PPP2R5D: variants seen among roughly 807,000 people sequenced by gnomAD.
PPP2R5D encodes serine/threonine-protein phosphatase 2A 56 kDa regulatory subunit delta isoform.
In PPP2R5D, 12 loss-of-function variants were observed where a neutral mutation model predicts 79.1. That is an observed-to-expected ratio of 0.15 (90% CI 0.10 to 0.25). The LOEUF is 0.25. Ranked by LOEUF, PPP2R5D falls within the 10% of genes least tolerant of loss-of-function variation. The pLI, the probability that PPP2R5D is intolerant of heterozygous loss-of-function variation, is 1.00. For missense variants in PPP2R5D, 419 were observed against 760.2 expected (o/e 0.55, Z 5.28); for synonymous variants, 277 against 286.6 (o/e 0.97, Z 0.34).
In PPP2R5D at chr6:43,011,461, T is replaced by TC. The variant is rs1762347891; in HGVS notation, c.*179dup. On this transcript the variant is annotated 3_prime_UTR_variant, in exon 16 of 16. Transcript: ENST00000485511. ...GACACCCACAGAATGGTCCCTCTTC[T>TC]CCCCAAAAGGTGTTCATGCCTCCCT... 1.2e-6 allele frequency: 1 copy of TC among 850,890 alleles called. No individual in the cohort carries two copies. Among genetic ancestry groups the TC allele is most frequent in the African/African-American group, 1.7e-5 (1 of 58,430 alleles). 52.7% of individuals were successfully genotyped at this position (850,890 alleles called of 1,614,324 possible). A position where few individuals can be genotyped will look rare whatever the true frequency, so the allele number is the denominator to read the frequency against.
chr6:43,005,811 G>A (rs1465688770), intron 2 of PPP2R5D, among the ~76,000 whole-genome samples: 1 of 151,988 alleles, frequency 6.6e-6, no homozygotes, highest in African/African-American at 2.4e-5. Context: ...TAGTAGAGAT[G>A]GGGTTTCACC....
Position 43,011,606 on chromosome 6 carries a change from T to C in PPP2R5D, c.*320T>C. On this transcript the variant is annotated 3_prime_UTR_variant, in exon 16 of 16. Transcript: ENST00000485511. Reference sequence around the variant, plus strand: ...CTGCTCTGAGAAGTACACACAGGAATACATACGCTCCTCTATTCTTCCCTT... The same window carrying C: ...CTGCTCTGAGAAGTACACACAGGAACACATACGCTCCTCTATTCTTCCCTT... 2.5e-6 allele frequency: 1 copy of C among 400,916 alleles called. No individual in the cohort carries two copies. Among genetic ancestry groups the C allele is most frequent in the Non-Finnish European group, 4.6e-6 (1 of 217,582 alleles). 24.8% of individuals were successfully genotyped at this position (400,916 alleles called of 1,614,324 possible). A position where few individuals can be genotyped will look rare whatever the true frequency, so the allele number is the denominator to read the frequency against.
intron 2 of PPP2R5D, among the ~76,000 whole-genome samples, chr6:43,005,707 C>T (rs560120191): frequency 1.2e-4 from 18 of 152,022 alleles, no homozygotes; most frequent in African/African-American, 2.2e-4. Flanking sequence ...CTGCAACCTC[C>T]GCCTCCTGGG....
intron 2 of PPP2R5D, among the ~76,000 whole-genome samples, chr6:42,998,559 T>C (rs983004934): frequency 6.6e-6 from 1 of 152,034 alleles, no homozygotes; most frequent in African/African-American, 2.4e-5. Flanking sequence ...AGTTTGGAAG[T>C]GAAAGTAGTA....
At chr6:42,985,800 G>A (rs1254029336) in intron 1 of PPP2R5D, among the ~76,000 whole-genome samples, 1 of 127,040 alleles carries the variant, frequency 7.9e-6, no homozygotes, top group African/African-American at 3.1e-5. Context: ...TTTTTGAGAT[G>A]GAATTTTGCT....
Position 43,006,802 on chromosome 6 carries a change from C to G in PPP2R5D, c.323-109C>G. 1.9e-6 allele frequency: 3 copies of G among 1,569,260 alleles called. No homozygotes were observed. The highest frequency in any genetic ancestry group is 2.6e-6 in the Non-Finnish European group (3 of 1,149,818). On this transcript the variant is annotated intron_variant, in intron 3 of 15. Transcript: ENST00000485511. This position sits in a 1 kb window ranked among gnomAD's most constrained non-coding sequence, Gnocchi z 4.7. ...TTCCAGAGAATGCGGGAAGGGGGTG[C>G]CAGGGAGCAGGATGGTGGCAGGGTG... is the stretch of plus-strand genomic sequence containing the variant.
At chr6:43,005,277 T>C (rs1561848423) in intron 2 of PPP2R5D, among the ~76,000 whole-genome samples, 1 of 152,144 alleles carries the variant, frequency 6.6e-6, no homozygotes, top group Non-Finnish European at 1.5e-5. Flanking sequence ...CTTTTACCTT[T>C]TTAAATTTGA....
chr6:43,005,792 T>C (rs1298146200), intron 2 of PPP2R5D, among the ~76,000 whole-genome samples: 1 of 152,080 alleles, frequency 6.6e-6, no homozygotes, highest in Non-Finnish European at 1.5e-5. Context: ...TGGCTAATGT[T>C]TGTATTTTTA....
At position 43,010,543 on chromosome 6, in the gene PPP2R5D, A is replaced by G. The variant is rs763977514; in HGVS notation, c.1455A>G (p.Thr485=). ...EMNQKLFDDC[T]QQYKAEKQKG... ...ATCAGAAGCTGTTTGATGACTGCAC[A>G]CAACAATACAAGGCAGAGAAGCAGA... is the stretch of plus-strand genomic sequence containing the variant. Residue 485 remains threonine, a synonymous_variant, in exon 13 of 16, where the codon ACA becomes ACG. Transcript: ENST00000485511. This position sits in a 1 kb window ranked among gnomAD's most constrained non-coding sequence, Gnocchi z 4.7. 8.7e-6 allele frequency: 14 copies of G among 1,613,992 alleles called. No individual in the cohort carries two copies. The East Asian group carries it at 2.2e-4, about 26-fold the overall frequency.
Position 43,000,236 on chromosome 6 carries a change from CT to C in PPP2R5D, c.106-6208del, listed in dbSNP as rs1204045076. Reference sequence around the variant, plus strand: ...GGCGTGAGCCACCACGTCTGGCCACCTTTTTTTTTTTTTTTTTTTGAGATAG... The same window carrying C: ...GGCGTGAGCCACCACGTCTGGCCACCTTTTTTTTTTTTTTTTTTGAGATAG... On this transcript the variant is annotated intron_variant, in intron 2 of 15. Coordinates refer to ENST00000485511, the MANE Select transcript of PPP2R5D (RefSeq NM_006245.4). Among the ~76,000 whole-genome samples, 573 of 106,008 alleles carry C rather than the reference CT, an allele frequency of 5.4e-3. 9 individuals are homozygous for C. Among genetic ancestry groups the C allele is most frequent in the African/African-American group, 0.02 (410 of 20,294 alleles). 69.5% of individuals were successfully genotyped at this position (106,008 alleles called of 152,430 possible). A position where few individuals can be genotyped will look rare whatever the true frequency, so the allele number is the denominator to read the frequency against.
At chr6:42,998,008 GT>G (rs200665593) in intron 2 of PPP2R5D, among the ~76,000 whole-genome samples, 13,784 of 71,620 alleles carry the variant, frequency 0.19, 1,920 homozygotes, top group African/African-American at 0.4. Context: ...GAATATTTGG[GT>G]TTTATTTATA....
rs41274898 is a variant in PPP2R5D at position 43,006,771 on chromosome 6, A to G, written c.322+92A>G. On this transcript the variant is annotated intron_variant, in intron 3 of 15. Transcript: ENST00000485511. This position sits in a 1 kb window ranked among gnomAD's most constrained non-coding sequence, Gnocchi z 4.7. The stretch of plus-strand genomic sequence containing the variant: ...GAAGTTTTGGGGTATTTTGCGGGGA[A>G]GGGAGTTCCAGAGAATGCGGGAAGG... The G allele has an allele frequency of 0.091, 143,667 of 1,574,840 alleles. 9,230 individuals carry two copies. The highest frequency in any genetic ancestry group is 0.34 in the African/African-American group (25,043 of 73,984).
chr6:43,010,444 C>G lies in PPP2R5D; in HGVS notation c.1380-24C>G. 1.2e-6 allele frequency: 2 copies of G among 1,606,540 alleles called. No homozygotes were observed. Among genetic ancestry groups the G allele is most frequent in the Non-Finnish European group, 1.7e-6 (2 of 1,173,272 alleles). On this transcript the variant is annotated intron_variant, in intron 12 of 15. Coordinates refer to ENST00000485511, the MANE Select transcript of PPP2R5D (RefSeq NM_006245.4). The surrounding 1 kb of genome is among the most constrained non-coding windows in gnomAD (Gnocchi z 4.7). ...TAAGGGCAGGCTCTGGCCTCCTACA[C>G]CTCATCTTTCTTCTTGGTGGCAGGA...
In PPP2R5D at chr6:43,009,463, G is replaced by A. The variant is rs1762245473; in HGVS notation, c.1379+14G>A. On this transcript the variant is annotated intron_variant, in intron 12 of 15. Coordinates refer to ENST00000485511, the MANE Select transcript of PPP2R5D (RefSeq NM_006245.4). The surrounding 1 kb of genome is among the most constrained non-coding windows in gnomAD (Gnocchi z 5.6). ...CCACTGGAACAAGTAAGGCGCTGGG[G>A]TGGGGCTGGGTGGTGGGGATCCAGT... The A allele has an allele frequency of 6.2e-7, 1 of 1,613,898 alleles. No homozygotes were observed. The highest frequency in any genetic ancestry group is 8.5e-7 in the Non-Finnish European group (1 of 1,180,008).
In PPP2R5D at chr6:43,008,973, G is replaced by A. The variant is rs893502733; in HGVS notation, c.1081-84G>A. The A allele has an allele frequency of 1.5e-5, 22 of 1,493,554 alleles. No homozygotes were observed. The highest frequency in any genetic ancestry group is 1.8e-5 in the Non-Finnish European group (20 of 1,090,054). The allele number at this position is 1,493,554 out of a possible 1,614,324, so 92.5% of individuals were successfully genotyped here. A position where few individuals can be genotyped will look rare whatever the true frequency, so the allele number is the denominator to read the frequency against. On this transcript the variant is annotated intron_variant, in intron 10 of 15. Coordinates refer to ENST00000485511, the MANE Select transcript of PPP2R5D (RefSeq NM_006245.4). This position sits in a 1 kb window ranked among gnomAD's most constrained non-coding sequence, Gnocchi z 4.2. The stretch of plus-strand genomic sequence containing the variant: ...TCACCCAAACTGTGCCCACCAGGGT[G>A]GGGGAGAGAGCAGGTAGGAAAACTT...
In PPP2R5D at chr6:42,984,652, G is replaced by C. The variant is rs1187238688; in HGVS notation, c.-26G>C. ...CCGGAGCCGGAGCGGGGCCGCAGGA[G>C]ACGGGCCGGGTCCGGACGGGCCGAG... On this transcript the variant is annotated 5_prime_UTR_variant, in exon 1 of 16. Transcript: ENST00000485511. 8.8e-6 allele frequency: 14 copies of C among 1,593,558 alleles called. No homozygotes were observed. The highest frequency in any genetic ancestry group is 1.2e-5 in the Non-Finnish European group (14 of 1,171,608).
chr6:42,998,908 G>A (rs771528566), intron 2 of PPP2R5D, among the ~76,000 whole-genome samples: 1 of 152,114 alleles, frequency 6.6e-6, no homozygotes, highest in Non-Finnish European at 1.5e-5. Flanking sequence ...AGTGGTGCAC[G>A]CCTGTAATCC....
intron 2 of PPP2R5D, among the ~76,000 whole-genome samples, chr6:42,996,503 A>C (rs1771708118): frequency 6.6e-6 from 1 of 151,886 alleles, no homozygotes; most frequent in South Asian, 2.1e-4. Context: ...GGGCCAAAAA[A>C]GAAAAAAAAA....
chr6:43,007,954 G>A lies in PPP2R5D; in HGVS notation c.746G>A (p.Ser249Asn). 1 of 1,614,212 alleles carries A rather than the reference G, an allele frequency of 6.2e-7. No homozygotes were observed. ...FVLALLDLFDSEDPRERDFLK... is the reference protein window; with the variant it reads ...FVLALLDLFDNEDPRERDFLK... ...CCCCAGCTCCTAGACCTATTTGACA[G>A]TGAGGATCCTCGAGAGCGGGACTTC... Residue 249 changes from serine (S) to asparagine (N), a missense_variant, in exon 7 of 16, where the codon AGT (serine) becomes AAT (asparagine). Ser to Asn is a conservative substitution (Grantham distance 46). This residue lies in a region of PPP2R5D where 196 missense variants were observed against 424.5 expected (regional missense o/e 0.46). Transcript: ENST00000485511. This position sits in a 1 kb window ranked among gnomAD's most constrained non-coding sequence, Gnocchi z 4.5.
Sources: gnomAD v4.1 joint callset for allele counts (sites outside exome capture counted in the v4.1 genomes callset) on GRCh38, gnomAD v4.1.1 for gene constraint, gnomAD v4.1.1 regional missense constraint, Gnocchi (gnomAD v3.1) non-coding constraint, MANE v1.5 for transcripts, NCBI Gene and HGNC (gene_info 2026-07-23, HGNC 2026-07-21) for gene names.